KSR1: variants seen among roughly 807,000 people sequenced by gnomAD.
KSR1 encodes the protein kinase suppressor of ras 1.
Under a neutral mutation model 92.9 loss-of-function variants are expected in KSR1, and 35 were observed. The observed-to-expected ratio is 0.38, with a 90% CI of 0.29 to 0.50. The LOEUF is 0.50. Among genes scored for constraint, KSR1 ranks in the 20% least tolerant of loss-of-function variants. The probability of loss-of-function intolerance (pLI) is 0.94; values close to 1 mark genes in which losing one functional copy is unlikely to be tolerated. For missense variants in KSR1, 972 were observed against 1,158.5 expected (o/e 0.84, Z 2.34); for synonymous variants, 467 against 472.6 (o/e 0.99, Z 0.15).
chr17:27,554,461 G>A (rs573821281), intron 2 of KSR1, among the ~76,000 whole-genome samples: 2 of 152,316 alleles, frequency 1.3e-5, no homozygotes, highest in South Asian at 4.2e-4. Flanking sequence ...TCCGCCAGCT[G>A]TCAGATCAGC....
intron 2 of KSR1, among the ~76,000 whole-genome samples, chr17:27,574,829 CT>C (rs1316116129): frequency 6.6e-6 from 1 of 152,204 alleles, no homozygotes; most frequent in Non-Finnish European, 1.5e-5. Context: ...AATGTCTGGC[CT>C]TCTCTGTTAC....
intron 1 of KSR1, among the ~76,000 whole-genome samples, chr17:27,530,556 T>C (rs965352470): frequency 6.6e-6 from 1 of 152,180 alleles, no homozygotes; most frequent in Non-Finnish European, 1.5e-5. Context: ...ATAGTACGTC[T>C]ACCGTGGGCT....
chr17:27,509,088 C>T (rs907103773), intron 1 of KSR1, among the ~76,000 whole-genome samples: 1 of 152,062 alleles, frequency 6.6e-6, no homozygotes, highest in Admixed American at 6.6e-5. Flanking sequence ...GTTTGGGCAG[C>T]CAGGCCTGAT....
chr17:27,540,457 TTG>T (rs1160624525), intron 1 of KSR1, among the ~76,000 whole-genome samples: 1 of 152,154 alleles, frequency 6.6e-6, no homozygotes. Context: ...ACTTGTTTGT[TTG>T]TGTTTGAAGT....
intron 1 of KSR1, among the ~76,000 whole-genome samples, chr17:27,503,835 A>C (rs937057552): frequency 6.6e-6 from 1 of 152,036 alleles, no homozygotes; most frequent in Admixed American, 6.6e-5. Flanking sequence ...TGGTGTAAGG[A>C]GGTGCGGGTC....
intron 1 of KSR1, among the ~76,000 whole-genome samples, chr17:27,462,365 A>G (rs1346044436): frequency 1.3e-5 from 2 of 152,170 alleles, no homozygotes; most frequent in Non-Finnish European, 2.9e-5. Context: ...GCTGAGACCA[A>G]GGAAATGGCC....
Position 27,550,619 on chromosome 17 carries a change from G to T in KSR1, c.283G>T (p.Ala95Ser), listed in dbSNP as rs1279097131. 2 of 764,768 alleles carry T rather than the reference G, an allele frequency of 2.6e-6. No homozygotes were observed. The highest frequency in any genetic ancestry group is 2.7e-5 in the South Asian group (2 of 74,592). 47.4% of individuals were successfully genotyped at this position (764,768 alleles called of 1,614,324 possible). ...GCAGAGGCAGTGCAAGCTGAGCGTG[G>T]CTCCCGGTGAGAGGACCCCAGAGCT... ...CKQRQCKLSV[A>S]PGERTPELNS... Residue 95 changes from alanine to serine, a missense_variant, in exon 2 of 21, where the codon GCT becomes TCT. Physicochemically the swap from Ala to Ser is moderately conservative, Grantham distance 99 (BLOSUM62 1). Coordinates refer to ENST00000644974, the MANE Select transcript of KSR1 (RefSeq NM_001394583.1).
chr17:27,588,623 G>A (rs1023332499), intron 6 of KSR1, 88 bp downstream of exon 6: 10 of 1,239,656 alleles, frequency 8.1e-6, no homozygotes, highest in East Asian at 5.3e-5. Context: ...GTTTCTCAGC[G>A]AGCTCTTTGC....
At chr17:27,588,781 T>G (rs1357872214) in intron 6 of KSR1, among the ~76,000 whole-genome samples, 1 of 152,174 alleles carries the variant, frequency 6.6e-6, no homozygotes, top group Non-Finnish European at 1.5e-5. Context: ...GAAAACACTT[T>G]CCTTCTTTCC....
intron 3 of KSR1, among the ~76,000 whole-genome samples, 174 bp from the exon 4 acceptor site, chr17:27,582,472 G>T (rs75612461): frequency 0.014 from 2,170 of 152,260 alleles, 50 homozygotes; most frequent in South Asian, 0.1. Context: ...GCTAGATAAT[G>T]TGTGCGCATG....
At chr17:27,508,857 G>C (rs2069494541) in intron 1 of KSR1, among the ~76,000 whole-genome samples, 1 of 151,930 alleles carries the variant, frequency 6.6e-6, no homozygotes, top group Non-Finnish European at 1.5e-5. Context: ...AGCCACCCAA[G>C]TAGCTGGGAT....
At chr17:27,601,515 C>T in intron 11 of KSR1, 114 bp downstream of exon 11, 1 of 866,288 alleles carries the variant, frequency 1.2e-6, no homozygotes. Flanking sequence ...GAGTCTCCCT[C>T]CACCTGTTCT....
At chr17:27,478,486 A>C (rs575063831) in intron 1 of KSR1, among the ~76,000 whole-genome samples, 3 of 152,080 alleles carry the variant, frequency 2.0e-5, no homozygotes, top group Non-Finnish European at 4.4e-5. Flanking sequence ...TGGTCATGAG[A>C]TGTTGTGAGG....
chr17:27,461,503 C>T (rs1222250073), intron 1 of KSR1, among the ~76,000 whole-genome samples: 1 of 152,246 alleles, frequency 6.6e-6, no homozygotes, highest in East Asian at 1.9e-4. Context: ...CGTTTCTCTG[C>T]TTCTGCTCTG....
In KSR1 at chr17:27,501,292, CTTTTTTTTT is replaced by C; in HGVS notation, c.231+44435_231+44443del. Reference sequence around the variant, plus strand: ...TTTTTTTTTTTTAATTTCTTTTCTTCTTTTTTTTTTTTTTTTTTTTTTTTTGAGCTGAAG... The same window carrying C: ...TTTTTTTTTTTTAATTTCTTTTCTTCTTTTTTTTTTTTTTTTGAGCTGAAG... On this transcript the variant is annotated intron_variant, in intron 1 of 20. Transcript: ENST00000644974. 1.0e-3 allele frequency among the ~76,000 whole-genome samples: 50 copies of C among 49,702 alleles called. No homozygotes were observed. The South Asian group carries it at 0.012, about 11-fold the overall frequency. 32.6% of individuals were successfully genotyped at this position (49,702 alleles called of 152,430 possible).
At chr17:27,490,400 A>T (rs936599203) in intron 1 of KSR1, among the ~76,000 whole-genome samples, 2 of 152,240 alleles carry the variant, frequency 1.3e-5, no homozygotes, top group Non-Finnish European at 2.9e-5. Context: ...TTGTTAAAGA[A>T]TGAAGATGAA....
chr17:27,582,923 C>G lies in KSR1; in HGVS notation c.798C>G (p.His266Gln). Residue 266 changes from histidine (H) to glutamine (Q), a missense_variant, in exon 4 of 21, where the codon CAC becomes CAG. Physicochemically the swap from His to Gln is conservative, Grantham distance 24 (BLOSUM62 0). This residue lies in a region of KSR1 where 611 missense variants were observed against 668.0 expected (regional missense o/e 0.91). Coordinates refer to ENST00000644974, the MANE Select transcript of KSR1 (RefSeq NM_001394583.1). ...ASGRLTPRAL[H>Q]SFITPPTTPQ... is the part of the protein sequence containing the mutation. ...GCCGGCTGACCCCCCGTGCCCTGCA[C>G]AGCTTCATCACCCCGCCCACCACAC... 1 of 1,612,474 alleles carries G rather than the reference C, an allele frequency of 6.2e-7. No homozygotes were observed. Among genetic ancestry groups the G allele is most frequent in the South Asian group, 1.1e-5 (1 of 90,916 alleles).
intron 1 of KSR1, among the ~76,000 whole-genome samples, chr17:27,500,611 GT>G (rs2069143898): frequency 6.6e-6 from 1 of 152,236 alleles, no homozygotes; most frequent in Non-Finnish European, 1.5e-5. Context: ...AACTAAAGTT[GT>G]TTTGGAAGAA....
intron 4 of KSR1, among the ~76,000 whole-genome samples, chr17:27,583,319 GA>G: frequency 6.6e-6 from 1 of 152,394 alleles, no homozygotes; most frequent in South Asian, 2.1e-4. Context: ...ACATGCACAT[GA>G]CGTGATGCCA....
Sources: gnomAD v4.1 joint callset for allele counts (sites outside exome capture counted in the v4.1 genomes callset) on GRCh38, gnomAD v4.1.1 for gene constraint, gnomAD v4.1.1 regional missense constraint, MANE v1.5 for transcripts, NCBI Gene and HGNC (gene_info 2026-07-23, HGNC 2026-07-21) for gene names.